The following CYFIP2 variants were observed in gnomAD, a reference collection of about 807,000 sequenced individuals.
The protein encoded by CYFIP2 is cytoplasmic FMR1-interacting protein 2.
A neutral mutation model predicts 158.7 loss-of-function variants in CYFIP2; 29 were observed. The observed-to-expected ratio is 0.18, with a 90% confidence interval of 0.14 to 0.25. The LOEUF (loss-of-function observed/expected upper bound fraction) is 0.25, where lower values mean the gene tolerates loss of function less well. CYFIP2 is among the 10% of genes least tolerant of loss of function. CYFIP2 has a pLI of 1.00. For missense variants in CYFIP2, 852 were observed against 1,639.5 expected (o/e 0.52, Z 8.29); for synonymous variants, 585 against 617.6 (o/e 0.95, Z 0.78).
At chr5:157,339,279 G>A in intron 22 of CYFIP2, 23 bp downstream of exon 22, 1 of 1,598,986 alleles carries the variant, frequency 6.3e-7, no homozygotes, top group Non-Finnish European at 8.6e-7. Context: ...CTGTGCAGAG[G>A]GGGCCGGGTG....
chr5:157,357,736 CAGG>C (rs1426037794), intron 23 of CYFIP2, among the ~76,000 whole-genome samples: 1 of 151,890 alleles, frequency 6.6e-6, no homozygotes, highest in African/African-American at 2.4e-5. Context: ...GAGGCTGAAG[CAGG>C]AGAATTGCTT....
At chr5:157,318,008 A>T (rs768332871) in intron 13 of CYFIP2, among the ~76,000 whole-genome samples, 2 of 152,194 alleles carry the variant, frequency 1.3e-5, no homozygotes, top group Non-Finnish European at 2.9e-5. Flanking sequence ...CCTGTATCCC[A>T]TTCATATATC....
intron 1 of CYFIP2, among the ~76,000 whole-genome samples, chr5:157,270,200 C>T (rs1024198245): frequency 6.6e-6 from 1 of 152,136 alleles, no homozygotes; most frequent in East Asian, 1.9e-4. Flanking sequence ...ATTCTGTTTG[C>T]GTCATTATTT....
At chr5:157,267,926 T>A (rs1163691866) in intron 1 of CYFIP2, among the ~76,000 whole-genome samples, 1 of 152,204 alleles carries the variant, frequency 6.6e-6, no homozygotes, top group Non-Finnish European at 1.5e-5. Context: ...AGGAATGCTG[T>A]AAGAGTGTGT....
intron 23 of CYFIP2, among the ~76,000 whole-genome samples, chr5:157,349,216 A>G (rs991992087): frequency 6.6e-6 from 1 of 152,084 alleles, no homozygotes; most frequent in African/African-American, 2.4e-5. Flanking sequence ...ATTTTGGTGC[A>G]CCCATCATAC....
At chr5:157,342,673 G>T in intron 23 of CYFIP2, 1 of 554,630 alleles carries the variant, frequency 1.8e-6, no homozygotes, top group Non-Finnish European at 3.1e-6. Context: ...TTGTGCCTTG[G>T]CATACCCTGG....
intron 26 of CYFIP2, among the ~76,000 whole-genome samples, chr5:157,380,327 G>A (rs1366354091): frequency 2.0e-5 from 3 of 152,156 alleles, no homozygotes; most frequent in East Asian, 1.9e-4. Context: ...GCAAGAAAGG[G>A]GTCTTTTCAG....
rs958461249 is a variant in CYFIP2, at chr5:157,361,711, A to G, written c.3039+113A>G. 58 of 1,332,622 alleles carry G rather than the reference A, an allele frequency of 4.4e-5. No homozygotes were observed. The highest frequency in any genetic ancestry group is 2.1e-4 in the Admixed American group (10 of 46,924). 82.5% of individuals were successfully genotyped at this position (1,332,622 alleles called of 1,614,324 possible). On this transcript the variant is annotated intron_variant, in intron 26 of 30. Coordinates refer to ENST00000620254, the MANE Select transcript of CYFIP2 (RefSeq NM_001037333.3). This position sits in a 1 kb window ranked among gnomAD's most constrained non-coding sequence, Gnocchi z 4.4. ...ATTTGTGCTTTGAGTACAAGCTCAC[A>G]TGCTCTTTTCAGTTCATTTCCAGAC...
At chr5:157,334,451 GA>G (rs1416717352) in intron 21 of CYFIP2, among the ~76,000 whole-genome samples, 1 of 152,132 alleles carries the variant, frequency 6.6e-6, no homozygotes, top group East Asian at 1.9e-4. Flanking sequence ...AAAAATCTTT[GA>G]GAAGAAATAG....
chr5:157,268,417 A>G (rs1755795436), intron 1 of CYFIP2, among the ~76,000 whole-genome samples: 2 of 152,246 alleles, frequency 1.3e-5, no homozygotes, highest in Non-Finnish European at 2.9e-5. Flanking sequence ...AGGCCCTGGT[A>G]GAACACTACA....
chr5:157,314,306 G>T, intron 11 of CYFIP2, 38 bp from the exon 12 acceptor site: 1 of 1,602,860 alleles, frequency 6.2e-7, no homozygotes, highest in Non-Finnish European at 8.5e-7. Context: ...AAAGTGTCAG[G>T]CACATAGACC....
rs1761621312 is a variant in CYFIP2, at chr5:157,333,329, G to A, written c.2268G>A (p.Leu756=). The A allele has an allele frequency of 1.9e-6, 3 of 1,613,796 alleles. No individual in the cohort carries two copies. Among genetic ancestry groups the A allele is most frequent in the African/African-American group, 1.3e-5 (1 of 74,924 alleles). Residue 756 remains leucine (L), a splice_region_variant and synonymous_variant, in exon 21 of 31, where the codon CTG becomes CTA. Transcript: ENST00000620254. ...TTTCTCTCTCTCTCTTCATCCAGCT[G>A]TTGGGTAGATCAATTGACTTGAACA... The part of the protein sequence containing the change: ...ETLLKQRHVQ[L]LGRSIDLNRL...
rs1758575206 is a variant in CYFIP2 at position 157,299,649 on chromosome 5, C to G, written c.388-1066C>G. ...GGCGTGGTGGTTCATGCCTGTAATCCCAGCACTTTGGGAGGCCAAGGCAGG... is the reference window on the plus strand; with the variant it reads ...GGCGTGGTGGTTCATGCCTGTAATCGCAGCACTTTGGGAGGCCAAGGCAGG... On this transcript the variant is annotated intron_variant, in intron 5 of 30. Transcript: ENST00000620254. 2.6e-5 allele frequency among the ~76,000 whole-genome samples: 4 copies of G among 152,126 alleles called. No homozygotes were observed. In the South Asian group the frequency reaches 8.3e-4, roughly 32 times the overall value.
intron 8 of CYFIP2, among the ~76,000 whole-genome samples, chr5:157,306,564 C>T (rs1759240204): frequency 6.6e-6 from 1 of 152,162 alleles, no homozygotes; most frequent in Admixed American, 6.5e-5. Context: ...TGCTCTTATG[C>T]AGAAAACGAT....
At position 157,304,277 on chromosome 5, in the gene CYFIP2, G is replaced by GAGCT; in HGVS notation, c.707_710dup (p.Leu238AlafsTer4). On this transcript the variant is annotated frameshift_variant, in exon 8 of 31. Coordinates refer to ENST00000620254, the MANE Select transcript of CYFIP2 (RefSeq NM_001037333.3). LOFTEE classifies it high-confidence loss of function. ...ACTTGAAGTGATCCCAGGCTATGAG[G>GAGCT]AGCTGCTGGCTGACATTGTCAACAT... 6.2e-7 allele frequency: 1 copy of GAGCT among 1,613,694 alleles called. No individual in the cohort carries two copies. Among genetic ancestry groups the GAGCT allele is most frequent in the Non-Finnish European group, 8.5e-7 (1 of 1,179,894 alleles).
chr5:157,312,488 C>T (rs1759815970), intron 11 of CYFIP2, among the ~76,000 whole-genome samples: 1 of 151,992 alleles, frequency 6.6e-6, no homozygotes, highest in Admixed American at 6.6e-5. Flanking sequence ...CCATACGTAC[C>T]CTCCTAATAA....
intron 8 of CYFIP2, among the ~76,000 whole-genome samples, chr5:157,306,558 C>T (rs535136295): frequency 6.6e-6 from 1 of 152,292 alleles, no homozygotes; most frequent in African/African-American, 2.4e-5. Flanking sequence ...ACTGTCTGCT[C>T]TTATGCAGAA....
At position 157,303,247 on chromosome 5, in the gene CYFIP2, G is replaced by A. The variant is rs115528917; in HGVS notation, c.666+357G>A. ...AATCTAAGCCTCAGTTTCCTCATCC[G>A]TAAAATGGGTCTGTTATTTTGAGAA... is the stretch of plus-strand genomic sequence containing the variant. On this transcript the variant is annotated intron_variant, in intron 7 of 30. Coordinates refer to ENST00000620254, the MANE Select transcript of CYFIP2 (RefSeq NM_001037333.3). 1,017 of 205,218 alleles carry A rather than the reference G, an allele frequency of 5.0e-3. 6 individuals carry two copies. The highest frequency in any genetic ancestry group is 5.6e-3 in the Non-Finnish European group (566 of 101,354). 12.7% of individuals were successfully genotyped at this position (205,218 alleles called of 1,614,324 possible). A position where few individuals can be genotyped will look rare whatever the true frequency, so the allele number is the denominator to read the frequency against.
chr5:157,371,961 T>C (rs1296561372), intron 26 of CYFIP2, among the ~76,000 whole-genome samples: 1 of 152,122 alleles, frequency 6.6e-6, no homozygotes, highest in Non-Finnish European at 1.5e-5. Context: ...TGACACTTGG[T>C]ACATGCAAAA....
Sources: gnomAD v4.1 joint callset for allele counts (sites outside exome capture counted in the v4.1 genomes callset) on GRCh38, gnomAD v4.1.1 for gene constraint, Gnocchi (gnomAD v3.1) non-coding constraint, MANE v1.5 for transcripts, NCBI Gene and HGNC (gene_info 2026-07-23, HGNC 2026-07-21) for gene names.